FNDC3B: variants seen among roughly 807,000 people sequenced by gnomAD.
The protein encoded by FNDC3B is fibronectin type III domain-containing protein 3B.
FNDC3B carries 12 observed loss-of-function variants against 151.5 expected under a neutral mutation model. The observed-to-expected ratio is 0.08, with a 90% CI of 0.05 to 0.13. The LOEUF (loss-of-function observed/expected upper bound fraction) is 0.13, where lower values mean the gene tolerates loss of function less well. FNDC3B is among the 10% of genes least tolerant of loss of function. The pLI is 1.00. For synonymous variants in FNDC3B, 528 were observed against 549.0 expected (o/e 0.96, Z 0.54); for missense variants, 1,214 against 1,505.3 (o/e 0.81, Z 3.20).
At chr3:172,209,977 C>T (rs1725647840) in intron 3 of FNDC3B, among the ~76,000 whole-genome samples, 1 of 152,258 alleles carries the variant, frequency 6.6e-6, no homozygotes, top group African/African-American at 2.4e-5. Flanking sequence ...TGCCCAGGCT[C>T]AGCCACAACT....
intron 25 of FNDC3B, among the ~76,000 whole-genome samples, chr3:172,385,748 C>T (rs373746505): frequency 1.2e-4 from 19 of 152,062 alleles, no homozygotes; most frequent in African/African-American, 4.3e-4. Context: ...TTAATAGAGA[C>T]GGGGTTTCAC....
At chr3:172,147,901 A>G (rs1721999909) in intron 3 of FNDC3B, among the ~76,000 whole-genome samples, 2 of 152,168 alleles carry the variant, frequency 1.3e-5, no homozygotes, top group Non-Finnish European at 2.9e-5. Context: ...TTCCATCTAG[A>G]TGCAGAAAAA....
chr3:172,147,028 C>G (rs1721946582), intron 3 of FNDC3B, among the ~76,000 whole-genome samples: 1 of 152,086 alleles, frequency 6.6e-6, no homozygotes, highest in Non-Finnish European at 1.5e-5. Flanking sequence ...GATGAGAAGG[C>G]CAGGCGTGGT....
chr3:172,355,523 G>C (rs964002460), intron 22 of FNDC3B, among the ~76,000 whole-genome samples: 6 of 152,246 alleles, frequency 3.9e-5, no homozygotes, highest in South Asian at 2.1e-4. Context: ...TCTAGGGGGG[G>C]GGCCTAGCAC....
chr3:172,375,762 A>G (rs1314417104), intron 23 of FNDC3B, among the ~76,000 whole-genome samples: 1 of 152,122 alleles, frequency 6.6e-6, no homozygotes, highest in Non-Finnish European at 1.5e-5. Context: ...TTATTCTAGA[A>G]AAGGCTGAAG....
Position 172,383,351 on chromosome 3 carries a change from T to G in FNDC3B, c.3303+2258T>G, listed in dbSNP as rs533401409. On this transcript the variant is annotated intron_variant, in intron 25 of 25. Transcript: ENST00000415807. ...ATTTTGCTGAAGTTGCTTATCAACT[T>G]AAGGAGTTTTTGGACTGAGATGATG... Among the ~76,000 whole-genome samples the G allele has an allele frequency of 2.0e-5, 3 of 152,340 alleles. No individual in the cohort carries two copies. In the East Asian group the frequency reaches 5.8e-4, roughly 29 times the overall value.
chr3:172,129,032 C>T (rs1170235335), intron 2 of FNDC3B, among the ~76,000 whole-genome samples: 2 of 152,124 alleles, frequency 1.3e-5, no homozygotes, highest in African/African-American at 2.4e-5. Context: ...CAGTTGGCAC[C>T]GTCACGGTTT....
chr3:172,175,204 A>G (rs1204505861), intron 3 of FNDC3B, among the ~76,000 whole-genome samples: 1 of 152,012 alleles, frequency 6.6e-6, no homozygotes, highest in Non-Finnish European at 1.5e-5. Flanking sequence ...ATGGCCAGGG[A>G]AAAGCTACAG....
chr3:172,120,550 C>T (rs558391512), intron 2 of FNDC3B, among the ~76,000 whole-genome samples: 4 of 150,988 alleles, frequency 2.6e-5, no homozygotes, highest in African/African-American at 9.8e-5. Flanking sequence ...TAGCTTATTG[C>T]CTTTGTCATA....
At chr3:172,087,483 T>A (rs1204042970) in intron 1 of FNDC3B, among the ~76,000 whole-genome samples, 1 of 152,200 alleles carries the variant, frequency 6.6e-6, no homozygotes, top group Non-Finnish European at 1.5e-5. Flanking sequence ...CTTGGTTAGA[T>A]TTCCTTTGTA....
At chr3:172,154,529 C>T (rs188373506) in intron 3 of FNDC3B, among the ~76,000 whole-genome samples, 7 of 152,198 alleles carry the variant, frequency 4.6e-5, no homozygotes, top group East Asian at 1.9e-4. Context: ...AAGAAGTGAT[C>T]GTAGAACTTT....
intron 22 of FNDC3B, among the ~76,000 whole-genome samples, chr3:172,355,522 G>T (rs1458452641): frequency 6.6e-6 from 1 of 152,148 alleles, no homozygotes; most frequent in Non-Finnish European, 1.5e-5. Context: ...ATCTAGGGGG[G>T]GGGCCTAGCA....
chr3:172,358,954 T>TTGGTGGGGGTGG (rs1272463153), intron 22 of FNDC3B, among the ~76,000 whole-genome samples: 26 of 80,610 alleles, frequency 3.2e-4, no homozygotes, highest in East Asian at 3.0e-3. Flanking sequence ...CACAGTTTTC[T>TTGGTGGGGGTGG]TGGTGGTGGT....
chr3:172,082,505 T>C (rs572801994), intron 1 of FNDC3B, among the ~76,000 whole-genome samples: 1 of 150,590 alleles, frequency 6.6e-6, no homozygotes, highest in African/African-American at 2.4e-5. Context: ...CATGGGATTA[T>C]AGGGCCGGGA....
chr3:172,168,138 G>C (rs546946041), intron 3 of FNDC3B, among the ~76,000 whole-genome samples: 1 of 152,292 alleles, frequency 6.6e-6, no homozygotes, highest in Admixed American at 6.5e-5. Context: ...TCTTATGTAT[G>C]CACTTTTTAC....
intron 11 of FNDC3B, among the ~76,000 whole-genome samples, chr3:172,319,421 T>C (rs35386451): frequency 1.3e-5 from 2 of 152,298 alleles, no homozygotes; most frequent in East Asian, 3.9e-4. Context: ...TCTTTGTGTG[T>C]TTGTTTAAAC....
intron 25 of FNDC3B, among the ~76,000 whole-genome samples, chr3:172,385,801 A>AC (rs1379582937): frequency 1.3e-5 from 2 of 151,958 alleles, no homozygotes; most frequent in Non-Finnish European, 2.9e-5. Flanking sequence ...CTGGTGATCC[A>AC]CCCACCTCAG....
chr3:172,341,046 T>A, intron 16 of FNDC3B, 67 bp from the exon 17 acceptor site: 4 of 1,027,416 alleles, frequency 3.9e-6, no homozygotes, highest in Non-Finnish European at 6.2e-6. Flanking sequence ...CTTTTTCTTG[T>A]CAGCAATGGC....
rs775907836 is a variant in FNDC3B, at chr3:172,346,411, C to T, written c.2335C>T (p.Pro779Ser). ...CAAAGCACCTTGTATTTCTTGTACA[C>T]CTGATGGATGTGTCTTAGTGGGTTG... Reference protein sequence around the residue: ...QCKAPCISCTPDGCVLVGWES... With the variant: ...QCKAPCISCTSDGCVLVGWES... The change falls in exon 20 of 26, where the codon CCT becomes TCT. Residue 779 changes from proline to serine, a missense_variant. Pro to Ser is a moderately conservative substitution (Grantham distance 74). Around this residue, in one of 7 missense-constraint regions of FNDC3B, gnomAD observed 380 missense variants for 420.9 expected, o/e 0.90. Coordinates refer to ENST00000415807, the MANE Select transcript of FNDC3B (RefSeq NM_022763.4). 1.2e-6 allele frequency: 2 copies of T among 1,612,784 alleles called. No individual in the cohort carries two copies. Among genetic ancestry groups the T allele is most frequent in the East Asian group, 2.2e-5 (1 of 44,854 alleles).
Sources: allele counts gnomAD v4.1 joint callset (sites outside exome capture counted in the v4.1 genomes callset), GRCh38; gene constraint gnomAD v4.1.1; regional missense constraint gnomAD v4.1.1; transcripts MANE v1.5; gene names NCBI Gene and HGNC (gene_info 2026-07-23, HGNC 2026-07-21).